Variants in BORCS7 observed in about 807,000 individuals in gnomAD.
BORCS7 encodes BLOC-1 related complex subunit 7, also known as BLOC-1-related complex subunit 7.
A neutral mutation model predicts 17.5 loss-of-function variants in BORCS7; 20 were observed. That is an observed-to-expected ratio of 1.14 (90% CI 0.80 to 1.66). BORCS7 has a LOEUF of 1.66. Among genes scored for constraint, BORCS7 ranks in the 40% most tolerant of loss-of-function variants. The pLI is 0.00. For synonymous variants in BORCS7, 57 were observed against 49.8 expected, an observed-to-expected ratio of 1.14 and a Z score of -0.61; for missense variants, 122 against 129.7, an observed-to-expected ratio of 0.94 and a Z score of 0.29.
chr10:102,860,920 G>T, intron 3 of BORCS7: 1 of 296,134 alleles, frequency 3.4e-6, no homozygotes, highest in Non-Finnish European at 6.3e-6. Flanking sequence ...AGTTAAGTTG[G>T]GTCCTCTACT....
intron 1 of BORCS7, among the ~76,000 whole-genome samples, chr10:102,855,690 G>T (rs1241835000): frequency 6.6e-6 from 1 of 152,204 alleles, no homozygotes; most frequent in African/African-American, 2.4e-5. Flanking sequence ...AAATCAGGTG[G>T]TGGTAAATCC....
At chr10:102,859,534 C>CA (rs900151627) in intron 1 of BORCS7, among the ~76,000 whole-genome samples, 10 of 139,484 alleles carry the variant, frequency 7.2e-5, no homozygotes, top group Middle Eastern at 7.6e-3. Flanking sequence ...GGCTTCCCCA[C>CA]ACCCCCCACT....
At chr10:102,854,868 A>G (rs1361924936) in intron 1 of BORCS7, among the ~76,000 whole-genome samples, 1 of 148,210 alleles carries the variant, frequency 6.7e-6, no homozygotes, top group Non-Finnish European at 1.5e-5. Flanking sequence ...AATTATATAT[A>G]TAAGTATTAT....
At chr10:102,860,440 G>C (rs1564786993) in intron 2 of BORCS7, 46 bp downstream of exon 2, 1 of 1,610,360 alleles carries the variant, frequency 6.2e-7, no homozygotes, top group Non-Finnish European at 8.5e-7. Flanking sequence ...TATGTATATG[G>C]TTTGTGTGGC....
chr10:102,854,697 G>A (rs1844396190), intron 1 of BORCS7, among the ~76,000 whole-genome samples: 1 of 150,444 alleles, frequency 6.6e-6, no homozygotes, highest in South Asian at 2.1e-4. Flanking sequence ...CGGATCACCT[G>A]AGGTCGGGAG....
chr10:102,861,419 G>GA (rs745985677), intron 3 of BORCS7, among the ~76,000 whole-genome samples: 3,138 of 101,530 alleles, frequency 0.031, 36 homozygotes, highest in Middle Eastern at 0.049. Context: ...TCTGCCTCCA[G>GA]AAAAAAAAAA....
intron 3 of BORCS7, among the ~76,000 whole-genome samples, chr10:102,861,917 T>C (rs183984226): frequency 3.4e-4 from 52 of 152,328 alleles, no homozygotes; most frequent in Non-Finnish European, 6.5e-4. Context: ...GCATGTAGTC[T>C]GTTGAACCAC....
chr10:102,862,790 A>G, intron 4 of BORCS7, 83 bp from the exon 5 acceptor site: 1 of 1,361,706 alleles, frequency 7.3e-7, no homozygotes, highest in African/African-American at 1.4e-5. Flanking sequence ...TGTAATGGAA[A>G]AAAAAAATTT....
intron 1 of BORCS7, among the ~76,000 whole-genome samples, chr10:102,857,578 C>G (rs567329921): frequency 2.6e-5 from 4 of 152,272 alleles, no homozygotes; most frequent in Admixed American, 2.6e-4. Flanking sequence ...CCATCCCAAA[C>G]ATATGCTGGC....
rs1225316667 is a variant in BORCS7, at chr10:102,864,864, A to C, written c.*1940A>C. ...GTTGTAGAGGTTGTGCCGGAAGATA[A>C]TATTTTTAAAATAACAAATGTTCAA... On this transcript the variant is annotated 3_prime_UTR_variant, in exon 5 of 5. Transcript: ENST00000339834. 1 of 152,164 alleles carries C rather than the reference A, an allele frequency of 6.6e-6. No individual in the cohort carries two copies. The highest frequency in any genetic ancestry group is 1.5e-5 in the Non-Finnish European group (1 of 68,010). 9.4% of individuals were successfully genotyped at this position (152,164 alleles called of 1,614,324 possible). A position where few individuals can be genotyped will look rare whatever the true frequency, so the allele number is the denominator to read the frequency against.
chr10:102,855,297 T>G (rs1466664409), intron 1 of BORCS7, among the ~76,000 whole-genome samples: 1 of 151,836 alleles, frequency 6.6e-6, no homozygotes, highest in Non-Finnish European at 1.5e-5. Context: ...TAGCTGGGAT[T>G]ACAGGCACGC....
chr10:102,855,568 G>C (rs909972298), intron 1 of BORCS7, among the ~76,000 whole-genome samples: 1 of 152,178 alleles, frequency 6.6e-6, no homozygotes, highest in Non-Finnish European at 1.5e-5. Context: ...TTGGGTGTCT[G>C]CTATGTGCCA....
chr10:102,854,903 T>C (rs535720383), intron 1 of BORCS7, among the ~76,000 whole-genome samples: 210 of 147,504 alleles, frequency 1.4e-3, no homozygotes, highest in African/African-American at 4.9e-3. Context: ...ATAATATATA[T>C]ACGTATATAT....
At chr10:102,860,890 G>A in intron 3 of BORCS7, 1 of 356,530 alleles carries the variant, frequency 2.8e-6, no homozygotes. Flanking sequence ...GACTGACTGT[G>A]CCCAAGGTCT....
chr10:102,858,948 T>C (rs541977170), intron 1 of BORCS7, among the ~76,000 whole-genome samples: 3 of 151,906 alleles, frequency 2.0e-5, no homozygotes, highest in African/African-American at 7.2e-5. Context: ...AATTTAGGTA[T>C]GCCAGGAGCA....
At position 102,858,712 on chromosome 10, in the gene BORCS7, A is replaced by G. The variant is rs553464988; in HGVS notation, c.142-1620A>G. On this transcript the variant is annotated intron_variant, in intron 1 of 4. Transcript: ENST00000339834. ...CATATGGGGGAGAGAACAGGGAAAG[A>G]AAGGGACAGAGATGGAAAATCCTAT... 1.1e-4 allele frequency among the ~76,000 whole-genome samples: 17 copies of G among 152,272 alleles called. 2 individuals carry two copies. The South Asian group carries it at 3.1e-3, about 28-fold the overall frequency.
chr10:102,854,451 G>A, intron 1 of BORCS7, 24 bp downstream of exon 1: 1 of 1,517,772 alleles, frequency 6.6e-7, no homozygotes, highest in Non-Finnish European at 8.9e-7. Context: ...GGACTCTCCC[G>A]GCCTGATAGT....
chr10:102,855,270 C>T (rs769816842), intron 1 of BORCS7, among the ~76,000 whole-genome samples: 40 of 150,738 alleles, frequency 2.7e-4, no homozygotes, highest in Admixed American at 8.0e-4. Flanking sequence ...GTGATTCTCC[C>T]GCCTCAGCCT....
At chr10:102,858,158 A>G (rs545429307) in intron 1 of BORCS7, among the ~76,000 whole-genome samples, 63 of 129,668 alleles carry the variant, frequency 4.9e-4, no homozygotes, top group African/African-American at 1.8e-3. Context: ...GAGTGAGACC[A>G]TGTCTCAAAA....
Sources: allele counts gnomAD v4.1 joint callset (sites outside exome capture counted in the v4.1 genomes callset), GRCh38; gene constraint gnomAD v4.1.1; transcripts MANE v1.5; gene names NCBI Gene and HGNC (gene_info 2026-07-23, HGNC 2026-07-21).